The following KCTD3 variants were observed in gnomAD, a reference collection of about 807,000 sequenced individuals.
KCTD3 encodes the protein potassium channel tetramerization domain containing 3, also known as BTB/POZ domain-containing protein KCTD3.
In KCTD3, 41 loss-of-function variants were observed where a neutral mutation model predicts 85.8. The ratio of observed to expected loss-of-function variants is 0.48; its 90% confidence interval spans 0.37 to 0.62. The LOEUF is 0.62. Among genes scored for constraint, KCTD3 ranks in the 20% least tolerant of loss-of-function variants. The probability of loss-of-function intolerance (pLI) is 0.00; values close to 1 mark genes in which losing one functional copy is unlikely to be tolerated. For missense variants in KCTD3, 724 were observed against 989.9 expected (o/e 0.73, Z 3.60); for synonymous variants, 338 against 345.4 (o/e 0.98, Z 0.24).
chr1:215,590,598 T>C (rs1471810324), intron 9 of KCTD3, among the ~76,000 whole-genome samples: 12 of 152,220 alleles, frequency 7.9e-5, no homozygotes, highest in Non-Finnish European at 1.3e-4. Context: ...ATGTCTTTTA[T>C]ACTTCTACAG....
chr1:215,570,301 A>G (rs1009969109), intron 1 of KCTD3, among the ~76,000 whole-genome samples: 1 of 152,130 alleles, frequency 6.6e-6, no homozygotes, highest in South Asian at 2.1e-4. Context: ...GAAATGACTA[A>G]TTTTTATGGT....
Position 215,621,696 on chromosome 1 carries a change from AAGTG to A in KCTD3, c.*1084_*1087del, listed in dbSNP as rs1382959516. On this transcript the variant is annotated 3_prime_UTR_variant, in exon 18 of 18. Coordinates refer to ENST00000259154, the MANE Select transcript of KCTD3 (RefSeq NM_016121.5). ...TATATATCCCCATTCCAAGAAATAT[AAGTG>A]AGTGAAGTTGAAATAAAATCTTTAA... is the stretch of plus-strand genomic sequence containing the variant. 6 of 152,570 alleles carry A rather than the reference AAGTG, an allele frequency of 3.9e-5. No homozygotes were observed. Among genetic ancestry groups the A allele is most frequent in the African/African-American group, 1.4e-4 (6 of 41,456 alleles). 9.5% of individuals were successfully genotyped at this position (152,570 alleles called of 1,614,324 possible).
At chr1:215,614,681 C>T (rs1655364906) in intron 15 of KCTD3, among the ~76,000 whole-genome samples, 1 of 152,048 alleles carries the variant, frequency 6.6e-6, no homozygotes. Flanking sequence ...TTTTTTAAAA[C>T]TTTGCTGAAG....
intron 12 of KCTD3, among the ~76,000 whole-genome samples, chr1:215,602,418 C>A (rs1654864401): frequency 6.6e-6 from 1 of 151,762 alleles, no homozygotes; most frequent in Non-Finnish European, 1.5e-5. Flanking sequence ...AATTGGAACT[C>A]CCCTTACGCT....
chr1:215,611,646 C>T lies in KCTD3; in HGVS notation c.1466-179C>T, dbSNP rs74729818. On this transcript the variant is annotated intron_variant, in intron 14 of 17. Transcript: ENST00000259154. ...AATTGTGTATTTCTTTAAAAATGTTCTAATGCAAATTGAAGTACTTGTATA... is the reference window on the plus strand; with the variant it reads ...AATTGTGTATTTCTTTAAAAATGTTTTAATGCAAATTGAAGTACTTGTATA... 6.2e-3 allele frequency among the ~76,000 whole-genome samples: 937 copies of T among 151,900 alleles called. 23 individuals are homozygous for T. The South Asian group carries it at 0.074, about 12-fold the overall frequency.
At chr1:215,610,720 C>T (rs1355983513) in intron 14 of KCTD3, among the ~76,000 whole-genome samples, 3 of 151,960 alleles carry the variant, frequency 2.0e-5, no homozygotes, top group African/African-American at 7.2e-5. Flanking sequence ...CCACTTCCAT[C>T]ATATAGGACC....
intron 16 of KCTD3, 28 bp from the exon 17 acceptor site, chr1:215,619,125 G>T: frequency 1.2e-6 from 2 of 1,609,440 alleles, no homozygotes; most frequent in South Asian, 1.1e-5. Context: ...TCACTTAAGT[G>T]ATTTTAATGA....
intron 7 of KCTD3, 58 bp downstream of exon 7, chr1:215,579,195 G>A: frequency 1.4e-6 from 2 of 1,413,380 alleles, no homozygotes; most frequent in South Asian, 1.3e-5. Context: ...AGTGCTGGGT[G>A]ATATTGAGTA....
intron 8 of KCTD3, among the ~76,000 whole-genome samples, chr1:215,582,904 T>C (rs983619552): frequency 2.6e-5 from 4 of 152,208 alleles, no homozygotes; most frequent in Non-Finnish European, 4.4e-5. Flanking sequence ...TGGAAAGTTA[T>C]AGAGCAAATA....
At chr1:215,582,262 A>G (rs1659851064) in intron 8 of KCTD3, among the ~76,000 whole-genome samples, 1 of 152,154 alleles carries the variant, frequency 6.6e-6, no homozygotes. Context: ...ATGTGTGTGT[A>G]TATACTTGGA....
intron 2 of KCTD3, 57 bp downstream of exon 2, chr1:215,573,896 TA>T (rs1311748583): frequency 8.6e-7 from 1 of 1,162,562 alleles, no homozygotes; most frequent in African/African-American, 1.6e-5. Context: ...CAAAATATAA[TA>T]ATGTTTGTCA....
chr1:215,602,000 T>A (rs929669217), intron 11 of KCTD3, 46 bp downstream of exon 11: 4 of 1,420,102 alleles, frequency 2.8e-6, no homozygotes, highest in Non-Finnish European at 3.0e-6. Flanking sequence ...TGTAATTTTT[T>A]AAATGAGAAC....
At chr1:215,580,583 A>G (rs1168606600) in intron 8 of KCTD3, among the ~76,000 whole-genome samples, 1 of 142,992 alleles carries the variant, frequency 7.0e-6, no homozygotes, top group Admixed American at 7.0e-5. Context: ...TTTTTTTTTA[A>G]TTGGGAAAGT....
In KCTD3 at chr1:215,587,209, A is replaced by G. The variant is rs75444276; in HGVS notation, c.817+524A>G. The stretch of plus-strand genomic sequence containing the variant: ...CAATGGCATGATCTCAGCTCACTGC[A>G]ACCTCTGCCTCCTGGGCTCAAGCAA... On this transcript the variant is annotated intron_variant, in intron 9 of 17. Coordinates refer to ENST00000259154, the MANE Select transcript of KCTD3 (RefSeq NM_016121.5). Among the ~76,000 whole-genome samples, 252 of 151,066 alleles carry G rather than the reference A, an allele frequency of 1.7e-3. 4 individuals carry two copies. The East Asian group carries it at 0.042, about 25-fold the overall frequency.
intron 1 of KCTD3, among the ~76,000 whole-genome samples, chr1:215,571,065 A>G (rs974925341): frequency 5.9e-5 from 9 of 152,218 alleles, no homozygotes; most frequent in African/African-American, 2.2e-4. Flanking sequence ...ATTGAAACTG[A>G]TAATATGATT....
chr1:215,620,486 T>C lies in KCTD3; in HGVS notation c.2316T>C (p.Tyr772=), dbSNP rs1247631934. The C allele has an allele frequency of 6.2e-7, 1 of 1,613,742 alleles. No homozygotes were observed. The highest frequency in any genetic ancestry group is 8.5e-7 in the Non-Finnish European group (1 of 1,179,690). Residue 772 remains tyrosine, a synonymous_variant, in exon 18 of 18, where the codon TAT becomes TAC. Transcript: ENST00000259154. ...GGFLGRKKVP[Y]LASSPSTSDG... ...TCCTTGGAAGAAAGAAAGTTCCCTA[T>C]CTGGCGTCATCACCAAGTACTTCCG...
rs1414014062 is a variant in KCTD3, at chr1:215,601,882, C to T, written c.949C>T (p.Pro317Ser). 3.2e-6 allele frequency: 5 copies of T among 1,581,988 alleles called. No individual in the cohort carries two copies. The highest frequency in any genetic ancestry group is 4.3e-6 in the Non-Finnish European group (5 of 1,152,154). The change falls in exon 11 of 18, where the codon CCT becomes TCT. Residue 317 changes from proline (P) to serine (S), a missense_variant. Coordinates refer to ENST00000259154, the MANE Select transcript of KCTD3 (RefSeq NM_016121.5). ...ACTACATCAGGTTCAAGATGTTGTT[C>T]CTATAACTAGTTATGACACTGCTGG... is the stretch of plus-strand genomic sequence containing the variant. ...TQHWQVQDVV[P>S]ITSYDTAGSF...
chr1:215,573,759 A>T (rs746118968), intron 1 of KCTD3, 27 bp from the exon 2 acceptor site: 2 of 1,393,794 alleles, frequency 1.4e-6, no homozygotes, highest in Admixed American at 3.8e-5. Flanking sequence ...GTTCTCACTT[A>T]TAATACCAGA....
At chr1:215,603,732 AAACTATG>A (rs1274404900) in intron 12 of KCTD3, among the ~76,000 whole-genome samples, 1 of 152,158 alleles carries the variant, frequency 6.6e-6, no homozygotes, top group Non-Finnish European at 1.5e-5. Context: ...TGAATTCTTT[AAACTATG>A]TTGAGTACCT....
Sources: allele counts gnomAD v4.1 joint callset (sites outside exome capture counted in the v4.1 genomes callset), GRCh38; gene constraint gnomAD v4.1.1; transcripts MANE v1.5; gene names NCBI Gene and HGNC (gene_info 2026-07-23, HGNC 2026-07-21).